Variants in ST18 observed in about 807,000 individuals in gnomAD.
ST18 encodes the protein ST18 C2H2C-type zinc finger transcription factor.
ST18 carries 50 observed loss-of-function variants against 110.0 expected under a neutral mutation model. The ratio of observed to expected loss-of-function variants is 0.45; its 90% confidence interval spans 0.36 to 0.58. ST18 has a LOEUF of 0.58. ST18 is among the 20% of genes least tolerant of loss of function. ST18 has a pLI of 0.00. For missense variants in ST18, 1,306 were observed against 1,280.1 expected, an observed-to-expected ratio of 1.02 and a Z score of -0.31; for synonymous variants, 461 against 452.4, an observed-to-expected ratio of 1.02 and a Z score of -0.24.
At chr8:52,131,295 G>A (rs967518230) in intron 22 of ST18, among the ~76,000 whole-genome samples, 1 of 152,132 alleles carries the variant, frequency 6.6e-6, no homozygotes, top group African/African-American at 2.4e-5. Flanking sequence ...GAAATATGTA[G>A]GGAAGCTTCT....
chr8:52,172,575 T>C lies in ST18; in HGVS notation c.286A>G (p.Met96Val), dbSNP rs1251747128. The change falls in exon 10 of 26, where the codon ATG (methionine) becomes GTG (valine). Residue 96 changes from methionine (M) to valine (V), a missense_variant. Coordinates refer to ENST00000689386, the MANE Select transcript of ST18 (RefSeq NM_001352837.2). ...AGACTTTCATCCATAGGTTTTATCA[T>C]GATTTCCTCTATGGAAAAAGAAAAC... is the stretch of plus-strand genomic sequence containing the variant. The part of the protein sequence containing the change: ...THGHSTAEEI[M>V]IKPMDESLLS... 6.4e-6 allele frequency: 10 copies of C among 1,562,082 alleles called. No homozygotes were observed. Among genetic ancestry groups the C allele is most frequent in the Non-Finnish European group, 7.8e-6 (9 of 1,159,840 alleles).
At position 52,166,833 on chromosome 8, in the gene ST18, A is replaced by T. The variant is rs1403323449; in HGVS notation, c.1204+19T>A. On this transcript the variant is annotated intron_variant, in intron 11 of 25. Transcript: ENST00000689386. ...CTGGCGTGCATAAGCAGAAGCTTTG[A>T]GGGACAAGTGGTACTCACTTTCCAG... 1 of 1,545,820 alleles carries T rather than the reference A, an allele frequency of 6.5e-7. No individual in the cohort carries two copies. The highest frequency in any genetic ancestry group is 2.3e-5 in the East Asian group (1 of 43,208).
At chr8:52,408,775 T>A (rs1239680433) in intron 2 of ST18, among the ~76,000 whole-genome samples, 1 of 152,182 alleles carries the variant, frequency 6.6e-6, no homozygotes, top group Non-Finnish European at 1.5e-5. Context: ...GAAGTTTGAT[T>A]CCTCAGTGCC....
intron 2 of ST18, among the ~76,000 whole-genome samples, chr8:52,302,976 A>T (rs943233363): frequency 6.6e-6 from 1 of 152,164 alleles, no homozygotes; most frequent in Non-Finnish European, 1.5e-5. Flanking sequence ...AAACTTTCTT[A>T]CCTAGTCTCA....
chr8:52,356,704 T>C (rs528243462), intron 2 of ST18, among the ~76,000 whole-genome samples: 146 of 152,044 alleles, frequency 9.6e-4, no homozygotes, highest in African/African-American at 3.4e-3. Flanking sequence ...TTTCAAAGAG[T>C]TGAAGGAAAC....
intron 2 of ST18, among the ~76,000 whole-genome samples, chr8:52,367,831 C>T (rs1208120808): frequency 6.6e-6 from 1 of 152,178 alleles, no homozygotes; most frequent in African/African-American, 2.4e-5. Context: ...CAACCTACGA[C>T]TCCAACCTCA....
intron 13 of ST18, among the ~76,000 whole-genome samples, chr8:52,162,538 G>A (rs1289493668): frequency 6.6e-6 from 1 of 152,028 alleles, no homozygotes. Context: ...ACTTTAAATG[G>A]CACTTCAATA....
rs1022615413 is a variant in ST18, at chr8:52,161,356, A to G, written c.1594+19T>C. 6.2e-7 allele frequency: 1 copy of G among 1,609,582 alleles called. No homozygotes were observed. Among genetic ancestry groups the G allele is most frequent in the Non-Finnish European group, 8.5e-7 (1 of 1,177,388 alleles). ...ACAAGAAGCATTTTGGGGAAACGGC[A>G]TTAGAGCTCAAAGCTTACATTCAGG... On this transcript the variant is annotated intron_variant, in intron 14 of 25. Coordinates refer to ENST00000689386, the MANE Select transcript of ST18 (RefSeq NM_001352837.2).
chr8:52,358,111 C>T (rs1392179332), intron 2 of ST18, among the ~76,000 whole-genome samples: 4 of 151,524 alleles, frequency 2.6e-5, no homozygotes, highest in Non-Finnish European at 5.9e-5. Flanking sequence ...AATCAGTGGG[C>T]CAAAGAAGAA....
intron 8 of ST18, among the ~76,000 whole-genome samples, chr8:52,187,989 T>G (rs1036298491): frequency 3.3e-5 from 5 of 152,232 alleles, no homozygotes; most frequent in African/African-American, 1.2e-4. Flanking sequence ...ACAGTACTAT[T>G]TTTCCAGCTT....
chr8:52,333,093 A>T lies in ST18; in HGVS notation c.-465+76235T>A, dbSNP rs28398898. Among the ~76,000 whole-genome samples, 1,034 of 152,214 alleles carry T rather than the reference A, an allele frequency of 6.8e-3. 11 individuals carry two copies. Among genetic ancestry groups the T allele is most frequent in the African/African-American group, 0.024 (983 of 41,528 alleles). On this transcript the variant is annotated intron_variant, in intron 2 of 25. Coordinates refer to ENST00000689386, the MANE Select transcript of ST18 (RefSeq NM_001352837.2). ...GCCCAAGTTCTCATCCATCAAGCTG[A>T]TGTCCACCTTCTTGGGCCAGAGGAG...
intron 2 of ST18, among the ~76,000 whole-genome samples, chr8:52,367,247 C>CACACACACACACACACAG (rs1828436496): frequency 1.3e-5 from 2 of 149,776 alleles, no homozygotes; most frequent in Admixed American, 1.3e-4. Flanking sequence ...CACACACACA[C>CACACACACACACACACAG]ACACACACAC....
chr8:52,319,224 G>A (rs7009099), intron 2 of ST18, among the ~76,000 whole-genome samples: 21,516 of 151,884 alleles, frequency 0.14, 1,848 homozygotes, highest in African/African-American at 0.25. Flanking sequence ...CATTTTTGTC[G>A]ATTTCAGGTA....
intron 8 of ST18, chr8:52,194,399 C>CT (rs1010909275): frequency 7.3e-6 from 1 of 136,706 alleles, no homozygotes; most frequent in African/African-American, 3.6e-5. Context: ...CTATAATCAT[C>CT]TTCCCAGTAA....
intron 8 of ST18, among the ~76,000 whole-genome samples, chr8:52,187,955 A>C (rs1020708056): frequency 1.3e-5 from 2 of 152,238 alleles, no homozygotes; most frequent in African/African-American, 4.8e-5. Flanking sequence ...CTCAACAATT[A>C]TTCAGCAAAA....
At chr8:52,229,183 T>A (rs2090545108) in intron 3 of ST18, among the ~76,000 whole-genome samples, 1 of 152,212 alleles carries the variant, frequency 6.6e-6, no homozygotes, top group Non-Finnish European at 1.5e-5. Flanking sequence ...ATATGTCCCA[T>A]CTATTGGTGG....
intron 2 of ST18, chr8:52,294,485 C>T (rs1274912478): frequency 6.6e-6 from 1 of 152,264 alleles, no homozygotes. Flanking sequence ...TCTAGGACAC[C>T]CCCAGCAAGT....
chr8:52,146,252 T>C (rs2057230212), intron 16 of ST18, among the ~76,000 whole-genome samples: 1 of 152,134 alleles, frequency 6.6e-6, no homozygotes, highest in South Asian at 2.1e-4. Context: ...TGGAACTGTT[T>C]TTTGTGGTCA....
chr8:52,370,186 T>C (rs1590337634), intron 2 of ST18, among the ~76,000 whole-genome samples: 1 of 152,324 alleles, frequency 6.6e-6, no homozygotes, highest in East Asian at 1.9e-4. Flanking sequence ...AGACCATTGC[T>C]ATTCAGGGTT....
Sources: gnomAD v4.1 joint callset for allele counts (sites outside exome capture counted in the v4.1 genomes callset) on GRCh38, gnomAD v4.1.1 for gene constraint, MANE v1.5 for transcripts, NCBI Gene and HGNC (gene_info 2026-07-23, HGNC 2026-07-21) for gene names.